ALK: variants seen among roughly 807,000 people sequenced by gnomAD.
ALK encodes the protein ALK receptor tyrosine kinase.
In ALK, 74 loss-of-function variants were observed where a neutral mutation model predicts 163.1. The ratio of observed to expected loss-of-function variants is 0.45; its 90% confidence interval spans 0.38 to 0.55. The LOEUF is 0.55. Ranked by LOEUF, ALK falls within the 20% of genes least tolerant of loss-of-function variation. ALK has a pLI of 0.00. For synonymous variants in ALK, 960 were observed against 843.2 expected (o/e 1.14, Z -2.40); for missense variants, 2,063 against 2,105.3 (o/e 0.98, Z 0.39).
chr2:29,514,702 G>A (rs910440214), intron 4 of ALK, among the ~76,000 whole-genome samples: 1 of 152,170 alleles, frequency 6.6e-6, no homozygotes, highest in Non-Finnish European at 1.5e-5. Flanking sequence ...GAATGGCTCT[G>A]TCTACCCAGT....
At position 29,222,326 on chromosome 2, in the gene ALK, G is replaced by A. The variant is rs79325200; in HGVS notation, c.3515+18C>T. ...GGCAGAGGGGAGTTGGGGTGAGGGT[G>A]TCTCTCTGTGGCTTTACCTGATGAT... On this transcript the variant is annotated intron_variant, in intron 22 of 28. Transcript: ENST00000389048. The A allele has an allele frequency of 5.5e-3, 8,876 of 1,613,060 alleles. 26 individuals carry two copies. Among genetic ancestry groups the A allele is most frequent in the Non-Finnish European group, 6.6e-3 (7,725 of 1,179,186 alleles).
chr2:29,539,356 A>G (rs1673351682), intron 3 of ALK, among the ~76,000 whole-genome samples: 1 of 152,178 alleles, frequency 6.6e-6, no homozygotes. Flanking sequence ...CTCATATTTG[A>G]AATAAGTCTT....
At chr2:29,521,300 G>C (rs1672805264) in intron 4 of ALK, among the ~76,000 whole-genome samples, 1 of 152,094 alleles carries the variant, frequency 6.6e-6, no homozygotes, top group African/African-American at 2.4e-5. Context: ...GGCTCAGCCT[G>C]CTCTCAGTGG....
chr2:29,196,966 G>T, intron 27 of ALK, 106 bp from the exon 28 acceptor site: 1 of 895,668 alleles, frequency 1.1e-6, no homozygotes, highest in Non-Finnish European at 1.8e-6. Context: ...GTGCGAACTC[G>T]TCTAGGCCCC....
intron 3 of ALK, among the ~76,000 whole-genome samples, chr2:29,619,887 C>T (rs1675978577): frequency 6.6e-6 from 1 of 152,184 alleles, no homozygotes; most frequent in Non-Finnish European, 1.5e-5. Flanking sequence ...ACTGGGATGT[C>T]ATTATGGGCT....
chr2:29,269,391 T>A (rs1389664814), intron 11 of ALK, among the ~76,000 whole-genome samples: 1 of 152,108 alleles, frequency 6.6e-6, no homozygotes, highest in African/African-American at 2.4e-5. Context: ...GCTGACTGGC[T>A]CTCCAGCGTG....
At chr2:29,273,405 C>G (rs1267225003) in intron 11 of ALK, among the ~76,000 whole-genome samples, 5 of 152,228 alleles carry the variant, frequency 3.3e-5, no homozygotes, top group African/African-American at 1.2e-4. Flanking sequence ...CTGTCTCCTC[C>G]AGCCTGTAAT....
intron 3 of ALK, among the ~76,000 whole-genome samples, chr2:29,591,948 G>T (rs1675071153): frequency 6.6e-6 from 1 of 151,694 alleles, no homozygotes; most frequent in Non-Finnish European, 1.5e-5. Context: ...ATTCTTTTCG[G>T]CTTGAGATCC....
chr2:29,625,112 T>G (rs941087259), intron 3 of ALK, among the ~76,000 whole-genome samples: 1 of 152,184 alleles, frequency 6.6e-6, no homozygotes, highest in Non-Finnish European at 1.5e-5. Flanking sequence ...GGAATGTGTG[T>G]GGGATTCAAG....
intron 9 of ALK, among the ~76,000 whole-genome samples, chr2:29,291,075 G>A (rs1361909888): frequency 2.0e-5 from 3 of 152,174 alleles, no homozygotes; most frequent in Non-Finnish European, 4.4e-5. Context: ...AGTAACAATG[G>A]CTATTGACCA....
At chr2:29,832,317 G>T (rs2148388723) in intron 1 of ALK, among the ~76,000 whole-genome samples, 1 of 152,304 alleles carries the variant, frequency 6.6e-6, no homozygotes, top group Non-Finnish European at 1.5e-5. Flanking sequence ...TAGGTCGCCG[G>T]CAGGAGGTCT....
chr2:29,334,119 T>C (rs1272797638), intron 5 of ALK, among the ~76,000 whole-genome samples: 1 of 152,210 alleles, frequency 6.6e-6, no homozygotes, highest in Non-Finnish European at 1.5e-5. Flanking sequence ...CCACCTCATC[T>C]GTGCCATTTT....
intron 3 of ALK, among the ~76,000 whole-genome samples, chr2:29,684,489 A>G (rs142372152): frequency 6.6e-6 from 1 of 152,168 alleles, no homozygotes. Context: ...CATGGATTGC[A>G]TCTCTGTGTG....
chr2:29,750,080 A>T (rs1680313134), intron 1 of ALK, among the ~76,000 whole-genome samples: 1 of 152,256 alleles, frequency 6.6e-6, no homozygotes, highest in Admixed American at 6.5e-5. Context: ...GACAGACAGC[A>T]CATCCGCCGA....
At chr2:29,425,061 C>T (rs1384160241) in intron 4 of ALK, among the ~76,000 whole-genome samples, 1 of 152,120 alleles carries the variant, frequency 6.6e-6, no homozygotes, top group African/African-American at 2.4e-5. Flanking sequence ...AGGAGCCCTG[C>T]AGATCTGCTC....
chr2:29,212,428 C>G (rs1419671203), intron 24 of ALK, among the ~76,000 whole-genome samples: 3 of 152,128 alleles, frequency 2.0e-5, no homozygotes, highest in Non-Finnish European at 4.4e-5. Flanking sequence ...TTAGAAGGAG[C>G]AGATGGTAAA....
At chr2:29,554,360 G>T (rs1294901210) in intron 3 of ALK, among the ~76,000 whole-genome samples, 1 of 152,180 alleles carries the variant, frequency 6.6e-6, no homozygotes. Context: ...TTTTAAGTGA[G>T]ATCTAAATTG....
chr2:29,708,730 G>A (rs990437558), intron 2 of ALK, among the ~76,000 whole-genome samples: 1 of 152,200 alleles, frequency 6.6e-6, no homozygotes, highest in African/African-American at 2.4e-5. Flanking sequence ...TGTGGGCTCT[G>A]CCAAGCAGAT....
At chr2:29,443,007 G>A (rs991807621) in intron 4 of ALK, among the ~76,000 whole-genome samples, 8 of 152,220 alleles carry the variant, frequency 5.3e-5, no homozygotes, top group African/African-American at 1.2e-4. Flanking sequence ...CTGGGAGCAC[G>A]TCCTGTGTGT....
Sources: gnomAD v4.1 joint callset for allele counts (sites outside exome capture counted in the v4.1 genomes callset) on GRCh38, gnomAD v4.1.1 for gene constraint, MANE v1.5 for transcripts, NCBI Gene and HGNC (gene_info 2026-07-23, HGNC 2026-07-21) for gene names.